OSTF1: variants seen among roughly 807,000 people sequenced by gnomAD.
OSTF1 encodes the protein osteoclast stimulating factor 1, also known as osteoclast-stimulating factor 1.
A neutral mutation model predicts 37.2 loss-of-function variants in OSTF1; 27 were observed. The observed-to-expected ratio is 0.73, with a 90% CI of 0.54 to 1.00. OSTF1 has a LOEUF of 1.00. Among genes scored for constraint, OSTF1 ranks in the 50% least tolerant of loss-of-function variants. OSTF1 has a pLI of 0.00. For synonymous variants in OSTF1, 82 were observed against 89.2 expected, an observed-to-expected ratio of 0.92 and a Z score of 0.46; for missense variants, 232 against 253.8, an observed-to-expected ratio of 0.91 and a Z score of 0.58.
chr9:75,133,737 A>G (rs919014115), intron 6 of OSTF1, among the ~76,000 whole-genome samples: 1 of 152,236 alleles, frequency 6.6e-6, no homozygotes, highest in Admixed American at 6.5e-5. Context: ...CCTCTAGCTT[A>G]GCTTTTCACA....
At position 75,129,770 on chromosome 9, in the gene OSTF1, A is replaced by G. The variant is rs116033705; in HGVS notation, c.133-808A>G. Among the ~76,000 whole-genome samples, 232 of 152,332 alleles carry G rather than the reference A, an allele frequency of 1.5e-3. 2 individuals carry two copies. Among genetic ancestry groups the G allele is most frequent in the African/African-American group, 5.2e-3 (218 of 41,578 alleles). On this transcript the variant is annotated intron_variant, in intron 3 of 9. Coordinates refer to ENST00000346234, the MANE Select transcript of OSTF1 (RefSeq NM_012383.5). ...ATAAAAAAGAATGGAGAGACAACCT[A>G]TAGATTAAAAGATACTTAAAGACAA... is the stretch of plus-strand genomic sequence containing the variant.
chr9:75,137,418 A>G (rs1825859808), intron 7 of OSTF1, 120 bp from the exon 8 acceptor site: 1 of 651,882 alleles, frequency 1.5e-6, no homozygotes. Context: ...ATGTGGTTCT[A>G]TAACTTTGTT....
At chr9:75,099,023 G>A (rs1208809713) in intron 1 of OSTF1, among the ~76,000 whole-genome samples, 4 of 152,004 alleles carry the variant, frequency 2.6e-5, no homozygotes, top group Non-Finnish European at 4.4e-5. Context: ...TGCAACCTCC[G>A]CCTCCTGGGG....
At chr9:75,123,350 G>C (rs544156496) in intron 2 of OSTF1, among the ~76,000 whole-genome samples, 7 of 152,340 alleles carry the variant, frequency 4.6e-5, no homozygotes, top group East Asian at 3.9e-4. Flanking sequence ...TGAACCCTTG[G>C]GGGGCGGAGC....
intron 6 of OSTF1, among the ~76,000 whole-genome samples, chr9:75,134,115 T>C (rs1825807671): frequency 6.6e-6 from 1 of 152,190 alleles, no homozygotes; most frequent in Non-Finnish European, 1.5e-5. Flanking sequence ...AATATTCCTC[T>C]AAGTGTCATA....
intron 2 of OSTF1, among the ~76,000 whole-genome samples, chr9:75,122,761 A>G (rs1254297386): frequency 2.6e-5 from 4 of 152,208 alleles, no homozygotes; most frequent in Non-Finnish European, 4.4e-5. Flanking sequence ...GTTCTTGGTG[A>G]GGAACAAATT....
In OSTF1 at chr9:75,141,544, A is replaced by C. The variant is rs11496718; in HGVS notation, c.586+612A>C. 2.7e-3 allele frequency among the ~76,000 whole-genome samples: 406 copies of C among 152,170 alleles called. 3 individuals carry two copies. Among genetic ancestry groups the C allele is most frequent in the Non-Finnish European group, 4.2e-3 (288 of 68,008 alleles). ...TCCTTTTCAGAGAACGATCATCTTC[A>C]TTCCCTCATTTAAATATGTATTTAT... is the stretch of plus-strand genomic sequence containing the variant. On this transcript the variant is annotated intron_variant, in intron 9 of 9. Transcript: ENST00000346234.
At chr9:75,117,438 G>C in intron 1 of OSTF1, 66 bp from the exon 2 acceptor site, 1 of 1,084,892 alleles carries the variant, frequency 9.2e-7, no homozygotes, top group South Asian at 1.3e-5. Flanking sequence ...GGATATAATG[G>C]ATAATGCTAT....
chr9:75,135,437 T>C (rs983948654), intron 7 of OSTF1, among the ~76,000 whole-genome samples: 1 of 137,734 alleles, frequency 7.3e-6, no homozygotes, highest in Non-Finnish European at 1.6e-5. Context: ...TGATGAACTC[T>C]TTCAGCCTGG....
intron 1 of OSTF1, among the ~76,000 whole-genome samples, chr9:75,095,961 G>A (rs1490228255): frequency 2.6e-5 from 4 of 151,274 alleles, no homozygotes; most frequent in Non-Finnish European, 5.9e-5. Context: ...GCGCGATTTC[G>A]GCTCACTGCA....
intron 1 of OSTF1, among the ~76,000 whole-genome samples, chr9:75,103,175 C>T (rs1368087180): frequency 2.6e-5 from 4 of 152,136 alleles, no homozygotes; most frequent in Non-Finnish European, 5.9e-5. Flanking sequence ...TGCCTGTGGT[C>T]CCAGCTGCCC....
At chr9:75,145,011 A>G (rs965424645) in intron 9 of OSTF1, among the ~76,000 whole-genome samples, 4 of 152,082 alleles carry the variant, frequency 2.6e-5, no homozygotes, top group Non-Finnish European at 4.4e-5. Flanking sequence ...CTGCATTCCC[A>G]TGGTGTTATT....
At chr9:75,106,973 AAAAG>A (rs1825297041) in intron 1 of OSTF1, among the ~76,000 whole-genome samples, 1 of 147,540 alleles carries the variant, frequency 6.8e-6, no homozygotes, top group African/African-American at 2.6e-5. Context: ...AAGAAAAAGA[AAAAG>A]AAAAAAAAAG....
At chr9:75,093,460 G>A (rs1055309511) in intron 1 of OSTF1, among the ~76,000 whole-genome samples, 1 of 152,132 alleles carries the variant, frequency 6.6e-6, no homozygotes, top group Non-Finnish European at 1.5e-5. Context: ...AAGCAGGTTT[G>A]GTAACTATCT....
chr9:75,135,253 C>T (rs2118602317), intron 7 of OSTF1, among the ~76,000 whole-genome samples: 1 of 152,286 alleles, frequency 6.6e-6, no homozygotes, highest in Admixed American at 6.5e-5. Flanking sequence ...ATTTTGAAGG[C>T]ATGGCTCTGT....
At chr9:75,131,488 C>T (rs1048298173) in intron 4 of OSTF1, among the ~76,000 whole-genome samples, 4 of 152,172 alleles carry the variant, frequency 2.6e-5, no homozygotes, top group African/African-American at 7.2e-5. Flanking sequence ...GTGCATTTAA[C>T]TCAGGTATGC....
At position 75,137,568 on chromosome 9, in the gene OSTF1, G is replaced by C; in HGVS notation, c.439G>C (p.Ala147Pro). The change falls in exon 8 of 10, where the codon GCT (alanine) becomes CCT (proline). Residue 147 changes from alanine (A) to proline (P), a missense_variant. Ala to Pro is a conservative substitution (Grantham distance 27). Transcript: ENST00000346234. ...GTTGGGAGATACAGCTTTGCATGCT[G>C]CTGCCTGGAAGGGTTATGCAGATAT... The part of the protein sequence containing the change: ...NKLGDTALHA[A>P]AWKGYADIVQ... The C allele has an allele frequency of 8.1e-6, 13 of 1,612,922 alleles. No homozygotes were observed. Among genetic ancestry groups the C allele is most frequent in the Non-Finnish European group, 9.3e-6 (11 of 1,178,930 alleles).
At position 75,118,692 on chromosome 9, in the gene OSTF1, A is replaced by G. The variant is rs557888797; in HGVS notation, c.81+1142A>G. ...ACAGTCATGGCGGAAGGCGAAAGGC[A>G]TGTCTTACATGGCAGCAGACAAGAG... On this transcript the variant is annotated intron_variant, in intron 2 of 9. Coordinates refer to ENST00000346234, the MANE Select transcript of OSTF1 (RefSeq NM_012383.5). Among the ~76,000 whole-genome samples, 4 of 152,338 alleles carry G rather than the reference A, an allele frequency of 2.6e-5. No homozygotes were observed. The South Asian group carries it at 8.3e-4, about 32-fold the overall frequency.
At chr9:75,111,268 C>G (rs1397651325) in intron 1 of OSTF1, among the ~76,000 whole-genome samples, 1 of 152,150 alleles carries the variant, frequency 6.6e-6, no homozygotes, top group Non-Finnish European at 1.5e-5. Context: ...CTGCCTTTGC[C>G]CTGCCTCTAC....
Sources: gnomAD v4.1 joint callset for allele counts (sites outside exome capture counted in the v4.1 genomes callset) on GRCh38, gnomAD v4.1.1 for gene constraint, MANE v1.5 for transcripts, NCBI Gene and HGNC (gene_info 2026-07-23, HGNC 2026-07-21) for gene names.